Variants in AHCYL2 observed in about 807,000 individuals in gnomAD.
AHCYL2 encodes S-adenosylhomocysteine hydrolase-like protein 2.
In AHCYL2, 28 loss-of-function variants were observed where a neutral mutation model predicts 81.4. That is an observed-to-expected ratio of 0.34 (90% CI 0.25 to 0.47). The LOEUF is 0.47. Ranked by LOEUF, AHCYL2 falls within the 20% of genes least tolerant of loss-of-function variation. The pLI, the probability that AHCYL2 is intolerant of heterozygous loss-of-function variation, is 1.00. For synonymous variants in AHCYL2, 272 were observed against 290.2 expected (o/e 0.94, Z 0.64); for missense variants, 551 against 785.1 (o/e 0.70, Z 3.56).
intron 1 of AHCYL2, among the ~76,000 whole-genome samples, chr7:129,374,911 C>A (rs1484402481): frequency 2.6e-5 from 4 of 151,068 alleles, no homozygotes; most frequent in African/African-American, 9.8e-5. Context: ...ACTTTCCCCC[C>A]AATCTCTGTA....
At chr7:129,384,276 A>G (rs1339245762) in intron 2 of AHCYL2, among the ~76,000 whole-genome samples, 2 of 149,014 alleles carry the variant, frequency 1.3e-5, no homozygotes, top group African/African-American at 2.5e-5. Context: ...TGTTTTGCTA[A>G]TATATCATAT....
At chr7:129,323,746 A>T (rs1418821451) in intron 1 of AHCYL2, among the ~76,000 whole-genome samples, 1 of 152,242 alleles carries the variant, frequency 6.6e-6, no homozygotes, top group Non-Finnish European at 1.5e-5. Flanking sequence ...TATCAGATAC[A>T]TAACATTTAG....
At chr7:129,258,011 A>T (rs1185077685) in intron 1 of AHCYL2, among the ~76,000 whole-genome samples, 2 of 152,334 alleles carry the variant, frequency 1.3e-5, no homozygotes, top group East Asian at 3.9e-4. Flanking sequence ...ATAAGCAAAT[A>T]AGAGTAAAAA....
chr7:129,272,407 T>A (rs549315580), intron 1 of AHCYL2, among the ~76,000 whole-genome samples: 1 of 152,242 alleles, frequency 6.6e-6, no homozygotes, highest in Non-Finnish European at 1.5e-5. Context: ...TGTAGTTTTA[T>A]GCCACTAAGC....
In AHCYL2 at chr7:129,368,178, G is replaced by T. The variant is rs976765633; in HGVS notation, c.364-11460G>T. ...AGTCCCCACTGGGGAGGTGCGGGTA[G>T]AGTGTTTGGGTAGCATTAAAACAGT... On this transcript the variant is annotated intron_variant, in intron 1 of 16. Coordinates refer to ENST00000325006, the MANE Select transcript of AHCYL2 (RefSeq NM_015328.4). The surrounding 1 kb of genome is among the most constrained non-coding windows in gnomAD (Gnocchi z 4.4). 14 of 1,136,116 alleles carry T rather than the reference G, an allele frequency of 1.2e-5. No individual in the cohort carries two copies. In the African/African-American group the frequency reaches 2.2e-4, roughly 18 times the overall value. The allele number at this position is 1,136,116 out of a possible 1,614,324, so 70.4% of individuals were successfully genotyped here. A position where few individuals can be genotyped will look rare whatever the true frequency, so the allele number is the denominator to read the frequency against.
intron 1 of AHCYL2, among the ~76,000 whole-genome samples, chr7:129,282,343 A>G (rs1005119741): frequency 1.3e-5 from 2 of 151,944 alleles, no homozygotes; most frequent in Non-Finnish European, 1.5e-5. Flanking sequence ...ACTTCTGGGA[A>G]CTCTAGTTAC....
At chr7:129,383,289 C>CCCAG (rs1795049271) in intron 2 of AHCYL2, among the ~76,000 whole-genome samples, 1 of 151,984 alleles carries the variant, frequency 6.6e-6, no homozygotes, top group Non-Finnish European at 1.5e-5. Flanking sequence ...CCTCAGCCTC[C>CCCAG]CCAGTAACTA....
chr7:129,240,229 A>AAAGAG (rs1554467990), intron 1 of AHCYL2, among the ~76,000 whole-genome samples: 2 of 151,204 alleles, frequency 1.3e-5, no homozygotes, highest in Admixed American at 1.3e-4. Flanking sequence ...AAAAAAAAAA[A>AAAGAG]AGAATCCCAT....
At chr7:129,311,515 G>T (rs570377367) in intron 1 of AHCYL2, among the ~76,000 whole-genome samples, 40 of 152,228 alleles carry the variant, frequency 2.6e-4, no homozygotes, top group African/African-American at 9.1e-4. Context: ...TCAAAACTTA[G>T]CATGTCAAAA....
At chr7:129,239,560 C>A (rs1353169115) in intron 1 of AHCYL2, among the ~76,000 whole-genome samples, 1 of 152,086 alleles carries the variant, frequency 6.6e-6, no homozygotes, top group East Asian at 1.9e-4. Context: ...AGTCCTCCTG[C>A]CTTAGCCTCC....
chr7:129,381,343 C>G (rs915775093), intron 2 of AHCYL2, among the ~76,000 whole-genome samples: 1 of 152,040 alleles, frequency 6.6e-6, no homozygotes, highest in Non-Finnish European at 1.5e-5. Flanking sequence ...TAAAAAATAT[C>G]TATTTACCTG....
chr7:129,378,799 C>T (rs1294472487), intron 1 of AHCYL2, among the ~76,000 whole-genome samples: 1 of 152,052 alleles, frequency 6.6e-6, no homozygotes, highest in Non-Finnish European at 1.5e-5. Context: ...TTGTACCTTG[C>T]AATTTTCTCA....
At chr7:129,309,495 A>ACACCACTG (rs1247706575) in intron 1 of AHCYL2, among the ~76,000 whole-genome samples, 8 of 152,246 alleles carry the variant, frequency 5.3e-5, no homozygotes, top group African/African-American at 1.9e-4. Context: ...AGATGTGATC[A>ACACCACTG]CACCACTGCA....
At chr7:129,283,535 GAT>G (rs1258753621) in intron 1 of AHCYL2, 1 of 360,228 alleles carries the variant, frequency 2.8e-6, no homozygotes, top group African/African-American at 2.1e-5. Flanking sequence ...AGACTAAATG[GAT>G]ATATTTGCCA....
intron 4 of AHCYL2, among the ~76,000 whole-genome samples, chr7:129,391,958 C>T (rs1440647418): frequency 6.6e-6 from 1 of 152,104 alleles, no homozygotes; most frequent in Non-Finnish European, 1.5e-5. Context: ...CTTTTTTGGC[C>T]TGCTCAGTCA....
Position 129,389,737 on chromosome 7 carries a change from G to T in AHCYL2, c.720+3G>T, listed in dbSNP as rs376055240. On this transcript the variant is annotated splice_donor_region_variant and intron_variant, in intron 4 of 16. Coordinates refer to ENST00000325006, the MANE Select transcript of AHCYL2 (RefSeq NM_015328.4). ...CACACATCACTGCTCAGACTGCTGTGAGTTCTTTTCTTTTCTCCTTTTAAT... is the reference window on the plus strand; with the variant it reads ...CACACATCACTGCTCAGACTGCTGTTAGTTCTTTTCTTTTCTCCTTTTAAT... 2 of 1,601,616 alleles carry T rather than the reference G, an allele frequency of 1.2e-6. No individual in the cohort carries two copies. The highest frequency in any genetic ancestry group is 1.7e-6 in the Non-Finnish European group (2 of 1,176,392).
chr7:129,297,329 G>T (rs1015067782), intron 1 of AHCYL2, among the ~76,000 whole-genome samples: 1 of 152,094 alleles, frequency 6.6e-6, no homozygotes, highest in Non-Finnish European at 1.5e-5. Context: ...TCTTAGGACC[G>T]GGCTGAGTTG....
intron 1 of AHCYL2, among the ~76,000 whole-genome samples, chr7:129,359,396 G>A (rs866053803): frequency 4.6e-5 from 7 of 152,262 alleles, no homozygotes; most frequent in Middle Eastern, 3.4e-3. Context: ...TACTGGGAAT[G>A]TTCTAGTTTC....
At chr7:129,255,018 T>C (rs1795363556) in intron 1 of AHCYL2, among the ~76,000 whole-genome samples, 1 of 152,172 alleles carries the variant, frequency 6.6e-6, no homozygotes, top group African/African-American at 2.4e-5. Flanking sequence ...CTCCCAGCAC[T>C]TTGGGAGGCC....
Sources: allele counts gnomAD v4.1 joint callset (sites outside exome capture counted in the v4.1 genomes callset), GRCh38; gene constraint gnomAD v4.1.1; non-coding constraint Gnocchi (gnomAD v3.1); transcripts MANE v1.5; gene names NCBI Gene and HGNC (gene_info 2026-07-23, HGNC 2026-07-21).